The following RABGAP1L variants were observed in gnomAD, a reference collection of about 807,000 sequenced individuals.
The protein encoded by RABGAP1L is rab GTPase-activating protein 1-like.
Under a neutral mutation model 137.7 loss-of-function variants are expected in RABGAP1L, and 63 were observed. The observed-to-expected ratio is 0.46, with a 90% CI of 0.37 to 0.56. The LOEUF (loss-of-function observed/expected upper bound fraction) is 0.56, where lower values mean the gene tolerates loss of function less well. Among genes scored for constraint, RABGAP1L ranks in the 20% least tolerant of loss-of-function variants. RABGAP1L has a pLI of 0.00. For synonymous variants in RABGAP1L, 431 were observed against 433.7 expected (o/e 0.99, Z 0.08); for missense variants, 1,095 against 1,244.0 (o/e 0.88, Z 1.80).
At chr1:174,790,622 G>GA (rs34341853) in intron 18 of RABGAP1L, among the ~76,000 whole-genome samples, 61,542 of 142,722 alleles carry the variant, frequency 0.43, 14,835 homozygotes, top group Non-Finnish European at 0.55. Context: ...CGACAAAAGT[G>GA]AAAAAAAAAA....
At chr1:174,782,359 T>C (rs978827301) in intron 18 of RABGAP1L, among the ~76,000 whole-genome samples, 1 of 152,188 alleles carries the variant, frequency 6.6e-6, no homozygotes, top group Non-Finnish European at 1.5e-5. Context: ...ATGATTTGGC[T>C]CTCTGTTTGT....
chr1:174,270,780 G>T (rs1293595373), intron 7 of RABGAP1L, among the ~76,000 whole-genome samples: 1 of 151,982 alleles, frequency 6.6e-6, no homozygotes, highest in Non-Finnish European at 1.5e-5. Context: ...TTATTATGGT[G>T]ACTATATAAT....
intron 13 of RABGAP1L, among the ~76,000 whole-genome samples, chr1:174,556,430 T>G (rs902867610): frequency 4.5e-4 from 69 of 152,300 alleles, no homozygotes; most frequent in African/African-American, 1.6e-3. Flanking sequence ...TTATCCAGGA[T>G]GGATGAAATA....
chr1:174,321,485 C>T (rs752725360), intron 11 of RABGAP1L, among the ~76,000 whole-genome samples: 2 of 152,106 alleles, frequency 1.3e-5, no homozygotes, highest in Non-Finnish European at 2.9e-5. Flanking sequence ...CCCCGGACTC[C>T]CAGCTTTTAA....
chr1:174,669,979 T>C (rs954088598), intron 14 of RABGAP1L, among the ~76,000 whole-genome samples: 2 of 152,156 alleles, frequency 1.3e-5, no homozygotes, highest in African/African-American at 4.8e-5. Context: ...TGTGGTTCAA[T>C]ATAAATCTTA....
intron 12 of RABGAP1L, among the ~76,000 whole-genome samples, chr1:174,386,016 A>G (rs1195745770): frequency 2.6e-5 from 4 of 152,216 alleles, no homozygotes; most frequent in Admixed American, 2.6e-4. Flanking sequence ...ATGTAACAGA[A>G]AATTTGATAG....
chr1:174,347,490 TGTGTG>T (rs1558151253), intron 11 of RABGAP1L, among the ~76,000 whole-genome samples: 55 of 151,404 alleles, frequency 3.6e-4, no homozygotes, highest in East Asian at 5.8e-4. Context: ...TGTGTGTGTG[TGTGTG>T]TGTGTTTTTT....
chr1:174,448,418 C>T lies in RABGAP1L; in HGVS notation c.1710+54273C>T, dbSNP rs1655037344. On this transcript the variant is annotated intron_variant, in intron 13 of 25. Transcript: ENST00000681986. The surrounding 1 kb of genome is among the most constrained non-coding windows in gnomAD (Gnocchi z 4.2). ...CTTGGTTCCTACTCTGTCACTTCTC[C>T]ACTACTCCACAGGTGTCCACGAGTC... 1 of 1,612,334 alleles carries T rather than the reference C, an allele frequency of 6.2e-7. No homozygotes were observed. The highest frequency in any genetic ancestry group is 1.3e-5 in the African/African-American group (1 of 74,876).
intron 11 of RABGAP1L, among the ~76,000 whole-genome samples, chr1:174,357,192 T>A (rs1683716543): frequency 6.6e-6 from 1 of 152,136 alleles, no homozygotes; most frequent in Non-Finnish European, 1.5e-5. Context: ...ATAGAGGAAG[T>A]TGGGACTGCT....
At chr1:174,516,265 C>T (rs532963817) in intron 13 of RABGAP1L, among the ~76,000 whole-genome samples, 1 of 152,214 alleles carries the variant, frequency 6.6e-6, no homozygotes. Flanking sequence ...AAGTGATCCT[C>T]CTCCCTCAGC....
intron 19 of RABGAP1L, chr1:174,897,252 G>T (rs2149141839): frequency 6.6e-6 from 1 of 152,228 alleles, no homozygotes; most frequent in East Asian, 1.9e-4. Flanking sequence ...TGTTATTGGT[G>T]TATAAGAATG....
At chr1:174,161,767 C>T (rs1186622694) in intron 1 of RABGAP1L, among the ~76,000 whole-genome samples, 3 of 148,730 alleles carry the variant, frequency 2.0e-5, no homozygotes, top group Admixed American at 1.3e-4. Context: ...CTCGCTCTGG[C>T]GCCCAGGCTG....
intron 11 of RABGAP1L, among the ~76,000 whole-genome samples, chr1:174,358,339 G>A (rs1389615035): frequency 6.6e-6 from 1 of 152,216 alleles, no homozygotes; most frequent in Non-Finnish European, 1.5e-5. Flanking sequence ...AGTTGGCACA[G>A]TGGAGTTCTG....
At chr1:174,550,891 TATATACACAC>T (rs1330807004) in intron 13 of RABGAP1L, among the ~76,000 whole-genome samples, 2 of 86,042 alleles carry the variant, frequency 2.3e-5, no homozygotes, top group African/African-American at 1.6e-4. Flanking sequence ...TATATATATA[TATATACACAC>T]ACACATATAC....
chr1:174,714,928 T>C (rs2148569525), intron 17 of RABGAP1L, among the ~76,000 whole-genome samples: 1 of 152,314 alleles, frequency 6.6e-6, no homozygotes, highest in African/African-American at 2.4e-5. Flanking sequence ...AAATGTAATA[T>C]TAAGTAAAAT....
intron 13 of RABGAP1L, among the ~76,000 whole-genome samples, chr1:174,487,679 C>T (rs996006115): frequency 3.9e-5 from 6 of 151,938 alleles, no homozygotes; most frequent in Admixed American, 6.6e-5. Context: ...TTGGTTGTTT[C>T]GTGGTCTTCT....
chr1:174,832,152 G>A (rs974985168), intron 19 of RABGAP1L, among the ~76,000 whole-genome samples: 2 of 146,706 alleles, frequency 1.4e-5, no homozygotes, highest in Non-Finnish European at 3.0e-5. Context: ...AATTAGCCAG[G>A]TGTGGTGTCA....
chr1:174,826,668 A>G (rs960781892), intron 19 of RABGAP1L, among the ~76,000 whole-genome samples: 6 of 152,214 alleles, frequency 3.9e-5, no homozygotes, highest in Non-Finnish European at 8.8e-5. Context: ...ATACCCAGTA[A>G]TGGGATTGCT....
chr1:174,412,435 A>C (rs1247337828), intron 13 of RABGAP1L, among the ~76,000 whole-genome samples: 5 of 151,986 alleles, frequency 3.3e-5, no homozygotes, highest in Non-Finnish European at 5.9e-5. Context: ...GTGCCTTTTA[A>C]GTGGGGTGTT....
Sources: gnomAD v4.1 joint callset for allele counts (sites outside exome capture counted in the v4.1 genomes callset) on GRCh38, gnomAD v4.1.1 for gene constraint, Gnocchi (gnomAD v3.1) non-coding constraint, MANE v1.5 for transcripts, NCBI Gene and HGNC (gene_info 2026-07-23, HGNC 2026-07-21) for gene names.